DACH1: variants seen among roughly 807,000 people sequenced by gnomAD.
The protein encoded by DACH1 is dachshund homolog 1.
In DACH1, 12 loss-of-function variants were observed where a neutral mutation model predicts 54.2. The observed-to-expected ratio is 0.22, with a 90% confidence interval of 0.14 to 0.36. The LOEUF (loss-of-function observed/expected upper bound fraction) is 0.36. Among genes scored for constraint, DACH1 ranks in the 10% least tolerant of loss-of-function variants. The probability of loss-of-function intolerance (pLI) is 1.00; values close to 1 mark genes in which losing one functional copy is unlikely to be tolerated. For missense variants in DACH1, 805 were observed against 929.8 expected, an observed-to-expected ratio of 0.87 and a Z score of 1.75; for synonymous variants, 386 against 366.2, an observed-to-expected ratio of 1.05 and a Z score of -0.62.
At chr13:71,604,067 T>C (rs569822308) in intron 3 of DACH1, among the ~76,000 whole-genome samples, 13 of 152,024 alleles carry the variant, frequency 8.6e-5, no homozygotes, top group South Asian at 8.3e-4. Context: ...ATTTGACTTA[T>C]ACAATGAAAG....
At chr13:71,732,662 C>G (rs1566464922) in intron 1 of DACH1, among the ~76,000 whole-genome samples, 2 of 150,766 alleles carry the variant, frequency 1.3e-5, no homozygotes, top group Non-Finnish European at 2.9e-5. Context: ...GTCTGTAGGC[C>G]AAATCTTGCC....
intron 5 of DACH1, 64 bp downstream of exon 5, chr13:71,559,756 T>A: frequency 6.2e-7 from 1 of 1,603,318 alleles, no homozygotes; most frequent in Middle Eastern, 1.9e-4. Flanking sequence ...GGCATGTTGA[T>A]TAGAAAATCC....
chr13:71,644,686 G>C (rs559036083), intron 2 of DACH1, among the ~76,000 whole-genome samples: 1 of 152,272 alleles, frequency 6.6e-6, no homozygotes, highest in African/African-American at 2.4e-5. Context: ...ATTCCACCTA[G>C]CAGCATTTGG....
chr13:71,549,448 A>T (rs998213163), intron 6 of DACH1, among the ~76,000 whole-genome samples: 1 of 152,140 alleles, frequency 6.6e-6, no homozygotes, highest in Non-Finnish European at 1.5e-5. Flanking sequence ...GATCACAAGT[A>T]AAACTACTAT....
At chr13:71,854,602 A>G (rs1873881707) in intron 1 of DACH1, among the ~76,000 whole-genome samples, 1 of 151,986 alleles carries the variant, frequency 6.6e-6, no homozygotes, top group African/African-American at 2.4e-5. Context: ...AAGACAAAAA[A>G]GGTCATAGAA....
chr13:71,821,676 T>G, intron 1 of DACH1, among the ~76,000 whole-genome samples: 1 of 152,132 alleles, frequency 6.6e-6, no homozygotes, highest in Admixed American at 6.5e-5. Flanking sequence ...ACAATTTTCA[T>G]TTTTGCTCCT....
In DACH1 at chr13:71,545,171, G is replaced by A. The variant is rs115766126; in HGVS notation, c.1570+11853C>T. On this transcript the variant is annotated intron_variant, in intron 6 of 10. Transcript: ENST00000613252. ...TACCGATGAAGAAACTGAAGGTCAC[G>A]GACATTCGCTAATTTCCCAAGTTCG... Among the ~76,000 whole-genome samples, 1,218 of 152,060 alleles carry A rather than the reference G, an allele frequency of 8.0e-3. 19 individuals are homozygous for A. The highest frequency in any genetic ancestry group is 0.027 in the African/African-American group (1,117 of 41,512).
intron 1 of DACH1, among the ~76,000 whole-genome samples, chr13:71,764,343 T>C (rs955194046): frequency 1.3e-5 from 2 of 152,150 alleles, no homozygotes; most frequent in African/African-American, 4.8e-5. Context: ...TGCAATGAGC[T>C]ATGATAGTGC....
In DACH1 at chr13:71,630,443, G is replaced by A; in HGVS notation, c.1126+113C>T. On this transcript the variant is annotated intron_variant, in intron 3 of 10. Coordinates refer to ENST00000613252, the MANE Select transcript of DACH1 (RefSeq NM_080759.6). The stretch of plus-strand genomic sequence containing the variant: ...ATCCTCAAACATACAGTGTTTTCAA[G>A]CTAAAAGTGCCAACTTTTTGAATGG... The A allele has an allele frequency of 2.1e-6, 3 of 1,432,164 alleles. No homozygotes were observed. In the East Asian group the frequency reaches 7.5e-5, roughly 36 times the overall value. 88.7% of individuals were successfully genotyped at this position (1,432,164 alleles called of 1,614,324 possible). A position where few individuals can be genotyped will look rare whatever the true frequency, so the allele number is the denominator to read the frequency against.
chr13:71,785,774 C>A (rs1159097015), intron 1 of DACH1, among the ~76,000 whole-genome samples: 1 of 152,214 alleles, frequency 6.6e-6, no homozygotes, highest in African/African-American at 2.4e-5. Context: ...TCTTTATTCT[C>A]TTCACATGCT....
intron 1 of DACH1, among the ~76,000 whole-genome samples, chr13:71,760,368 C>T (rs2138005642): frequency 6.6e-6 from 1 of 152,252 alleles, no homozygotes; most frequent in African/African-American, 2.4e-5. Context: ...GAAGAAAAAG[C>T]AACATGTAGA....
At chr13:71,654,207 C>G (rs1043686247) in intron 2 of DACH1, among the ~76,000 whole-genome samples, 5 of 151,308 alleles carry the variant, frequency 3.3e-5, no homozygotes, top group Admixed American at 6.6e-5. Flanking sequence ...CTGGCTAACA[C>G]GGTGAAACCT....
chr13:71,775,341 A>C (rs1886024164), intron 1 of DACH1, among the ~76,000 whole-genome samples: 1 of 151,744 alleles, frequency 6.6e-6, no homozygotes, highest in South Asian at 2.1e-4. Flanking sequence ...AAACTGAAGA[A>C]GACAGACAGA....
chr13:71,487,492 G>A (rs1326816291), intron 7 of DACH1, among the ~76,000 whole-genome samples: 2 of 151,762 alleles, frequency 1.3e-5, no homozygotes, highest in African/African-American at 4.8e-5. Flanking sequence ...AGTATTTCTG[G>A]TCCGTAGAGT....
chr13:71,660,600 C>A (rs1026463782), intron 2 of DACH1, among the ~76,000 whole-genome samples: 2 of 151,914 alleles, frequency 1.3e-5, no homozygotes, highest in African/African-American at 2.4e-5. Flanking sequence ...CAGCAGCAAA[C>A]CCTAGTCTTA....
chr13:71,593,004 G>C (rs1873844936), intron 3 of DACH1, among the ~76,000 whole-genome samples: 1 of 152,104 alleles, frequency 6.6e-6, no homozygotes, highest in Non-Finnish European at 1.5e-5. Context: ...CTGCCTCAGA[G>C]TACGGATTTT....
chr13:71,860,024 T>A (rs1874246110), intron 1 of DACH1, among the ~76,000 whole-genome samples: 1 of 151,872 alleles, frequency 6.6e-6, no homozygotes, highest in South Asian at 2.1e-4. Flanking sequence ...CTCCATTAGG[T>A]GGGCTCTTAA....
At chr13:71,759,601 G>T (rs1885317863) in intron 1 of DACH1, among the ~76,000 whole-genome samples, 1 of 152,164 alleles carries the variant, frequency 6.6e-6, no homozygotes, top group Non-Finnish European at 1.5e-5. Flanking sequence ...ATGTAAAAAA[G>T]CAGGACAGCT....
chr13:71,561,979 T>C (rs1884612016), intron 4 of DACH1, among the ~76,000 whole-genome samples: 1 of 150,310 alleles, frequency 6.7e-6, no homozygotes, highest in Non-Finnish European at 1.5e-5. Flanking sequence ...AAAAGCGCTA[T>C]AAGAAGCTTC....
Sources: allele counts gnomAD v4.1 joint callset (sites outside exome capture counted in the v4.1 genomes callset), GRCh38; gene constraint gnomAD v4.1.1; transcripts MANE v1.5; gene names NCBI Gene and HGNC (gene_info 2026-07-23, HGNC 2026-07-21).